The following MAGI2 variants were observed in gnomAD, a reference collection of about 807,000 sequenced individuals.
MAGI2 encodes membrane-associated guanylate kinase, WW and PDZ domain-containing protein 2.
Under a neutral mutation model 133.3 loss-of-function variants are expected in MAGI2, and 35 were observed. The observed-to-expected ratio is 0.26, with a 90% CI of 0.20 to 0.35. MAGI2 has a LOEUF of 0.35. Ranked by LOEUF, MAGI2 falls within the 10% of genes least tolerant of loss-of-function variation. MAGI2 has a pLI of 1.00. For synonymous variants in MAGI2, 729 were observed against 710.6 expected, an observed-to-expected ratio of 1.03 and a Z score of -0.41; for missense variants, 1,636 against 1,863.4, an observed-to-expected ratio of 0.88 and a Z score of 2.25.
At chr7:78,705,325 T>C (rs915538992) in intron 2 of MAGI2, among the ~76,000 whole-genome samples, 1 of 152,152 alleles carries the variant, frequency 6.6e-6, no homozygotes, top group Non-Finnish European at 1.5e-5. Context: ...AAGAAGGTCC[T>C]TGTTTCCTCT....
intron 10 of MAGI2, among the ~76,000 whole-genome samples, chr7:78,250,996 G>A (rs1792327870): frequency 6.6e-6 from 1 of 151,984 alleles, no homozygotes; most frequent in African/African-American, 2.4e-5. Flanking sequence ...CAAAATATGA[G>A]CAAACAAAAT....
In MAGI2 at chr7:79,399,095, C is replaced by CTTTTTTTTTTTTTTTTTT. The variant is rs767332496; in HGVS notation, c.301+53924_301+53925insAAAAAAAAAAAAAAAAAA. Among the ~76,000 whole-genome samples, 62 of 106,256 alleles carry CTTTTTTTTTTTTTTTTTT rather than the reference C, an allele frequency of 5.8e-4. 2 individuals carry two copies. The highest frequency in any genetic ancestry group is 2.2e-3 in the African/African-American group (56 of 24,988). 69.7% of individuals were successfully genotyped at this position (106,256 alleles called of 152,430 possible). ...GTATTATTTCTTTTTTTTTTCTTTT[C>CTTTTTTTTTTTTTTTTTT]TTTTTTTTTTTTTTTGGGAGATGGA... On this transcript the variant is annotated intron_variant, in intron 1 of 21. Transcript: ENST00000354212.
At chr7:79,372,336 G>A (rs1022150690) in intron 1 of MAGI2, among the ~76,000 whole-genome samples, 6 of 145,748 alleles carry the variant, frequency 4.1e-5, no homozygotes, top group African/African-American at 1.7e-4. Context: ...GGATTTCGCA[G>A]GAAGAGATGT....
At chr7:79,127,208 C>A (rs1217215028) in intron 1 of MAGI2, among the ~76,000 whole-genome samples, 1 of 152,112 alleles carries the variant, frequency 6.6e-6, no homozygotes, top group Admixed American at 6.5e-5. Context: ...CATTGTTGGA[C>A]ATTTGGCTCA....
At chr7:78,244,560 T>C (rs191463405) in intron 10 of MAGI2, among the ~76,000 whole-genome samples, 8 of 152,320 alleles carry the variant, frequency 5.3e-5, no homozygotes, top group Non-Finnish European at 8.8e-5. Context: ...AGAAAGTATA[T>C]TGATTGCTTT....
chr7:78,670,917 G>A (rs1240175968), intron 2 of MAGI2, among the ~76,000 whole-genome samples: 2 of 152,116 alleles, frequency 1.3e-5, no homozygotes, highest in Non-Finnish European at 2.9e-5. Context: ...TTCCAAATAT[G>A]TATTCAACTA....
chr7:78,288,326 A>G (rs986140825), intron 9 of MAGI2, among the ~76,000 whole-genome samples: 3 of 152,200 alleles, frequency 2.0e-5, no homozygotes, highest in Non-Finnish European at 4.4e-5. Context: ...TTAATCGCTT[A>G]TTTGTATTTT....
intron 1 of MAGI2, among the ~76,000 whole-genome samples, chr7:79,434,154 A>C (rs1426717505): frequency 2.6e-5 from 4 of 152,198 alleles, no homozygotes; most frequent in Admixed American, 6.5e-5. Flanking sequence ...CTCCCAATAA[A>C]GAAAATCTCT....
At chr7:79,299,554 C>CAAACAAAAAAAAA (rs1837218158) in intron 1 of MAGI2, among the ~76,000 whole-genome samples, 1 of 84,708 alleles carries the variant, frequency 1.2e-5, no homozygotes, top group Non-Finnish European at 2.1e-5. Flanking sequence ...GACTCCATCT[C>CAAACAAAAAAAAA]AAAAAAAAAA....
intron 3 of MAGI2, among the ~76,000 whole-genome samples, chr7:78,576,737 A>G (rs932283171): frequency 6.6e-6 from 1 of 152,158 alleles, no homozygotes; most frequent in Admixed American, 6.5e-5. Flanking sequence ...CATCAAACTT[A>G]GCATAAAAGT....
intron 6 of MAGI2, among the ~76,000 whole-genome samples, chr7:78,427,623 A>C (rs549648125): frequency 6.6e-6 from 1 of 151,534 alleles, no homozygotes; most frequent in East Asian, 1.9e-4. Flanking sequence ...GAAAGATTTT[A>C]ATACCACTCT....
chr7:78,502,642 G>GT (rs967623127), intron 4 of MAGI2, among the ~76,000 whole-genome samples: 1 of 152,050 alleles, frequency 6.6e-6, no homozygotes. Flanking sequence ...TTTTATCATA[G>GT]TTTTTTTGTA....
Position 78,810,311 on chromosome 7 carries a change from T to C in MAGI2, c.419-183072A>G, listed in dbSNP as rs886326135. Among the ~76,000 whole-genome samples the C allele has an allele frequency of 6.8e-4, 104 of 152,252 alleles. 1 individual carries two copies. The highest frequency in any genetic ancestry group is 2.4e-3 in the African/African-American group (98 of 41,568). The stretch of plus-strand genomic sequence containing the variant: ...TTATTTTGCTGATCATATTCACTCT[T>C]GGAGAAGAAACACCACCAAACTTCT... On this transcript the variant is annotated intron_variant, in intron 2 of 21. Transcript: ENST00000354212.
intron 12 of MAGI2, among the ~76,000 whole-genome samples, chr7:78,189,191 G>A (rs1584322537): frequency 6.6e-6 from 1 of 152,046 alleles, no homozygotes; most frequent in African/African-American, 2.4e-5. Flanking sequence ...ACTGAACAAC[G>A]AAAGAATTCA....
intron 1 of MAGI2, among the ~76,000 whole-genome samples, chr7:79,207,250 G>T (rs765362450): frequency 7.9e-5 from 12 of 151,878 alleles, no homozygotes; most frequent in Non-Finnish European, 1.0e-4. Flanking sequence ...ACATAAAAGT[G>T]ATCCAAATTG....
At chr7:79,168,893 T>TATATATATAG (rs1446078705) in intron 1 of MAGI2, among the ~76,000 whole-genome samples, 22 of 7,390 alleles carry the variant, frequency 3.0e-3, no homozygotes, top group African/African-American at 6.0e-3. Context: ...AAGATAGATA[T>TATATATATAG]ATATATATAT....
chr7:78,662,771 G>T (rs1170684977), intron 2 of MAGI2, among the ~76,000 whole-genome samples: 3 of 152,176 alleles, frequency 2.0e-5, no homozygotes, highest in Non-Finnish European at 4.4e-5. Flanking sequence ...GAGAAAATTA[G>T]AATGGTTGTG....
intron 1 of MAGI2, among the ~76,000 whole-genome samples, chr7:79,026,672 A>C (rs1408687633): frequency 6.6e-6 from 1 of 152,128 alleles, no homozygotes; most frequent in Non-Finnish European, 1.5e-5. Flanking sequence ...CAGGAGTTCG[A>C]GAGCAGCCTG....
In MAGI2 at chr7:78,477,678, A is replaced by G. The variant is rs1227119224; in HGVS notation, c.1045+12083T>C. Among the ~76,000 whole-genome samples the G allele has an allele frequency of 3.9e-5, 6 of 152,072 alleles. No homozygotes were observed. In the East Asian group the frequency reaches 1.2e-3, roughly 30 times the overall value. On this transcript the variant is annotated intron_variant, in intron 6 of 21. Coordinates refer to ENST00000354212, the MANE Select transcript of MAGI2 (RefSeq NM_012301.4). ...GAACAGTTTAGGGGAAACCGCCCCC[A>G]TGACTCAATTATTTCCACCTGGCCC...
Sources: allele counts gnomAD v4.1 joint callset (sites outside exome capture counted in the v4.1 genomes callset), GRCh38; gene constraint gnomAD v4.1.1; transcripts MANE v1.5; gene names NCBI Gene and HGNC (gene_info 2026-07-23, HGNC 2026-07-21).